SDK1: variants seen among roughly 807,000 people sequenced by gnomAD.
SDK1 encodes sidekick cell adhesion molecule 1.
In SDK1, 157 loss-of-function variants were observed where a neutral mutation model predicts 245.5. That is an observed-to-expected ratio of 0.64 (90% CI 0.56 to 0.73). The LOEUF (loss-of-function observed/expected upper bound fraction) is 0.73, where lower values mean the gene tolerates loss of function less well. Ranked by LOEUF, SDK1 falls within the 30% of genes least tolerant of loss-of-function variation. The pLI, the probability that SDK1 is intolerant of heterozygous loss-of-function variation, is 0.00. For synonymous variants in SDK1, 1,647 were observed against 1,278.5 expected, an observed-to-expected ratio of 1.29 and a Z score of -6.15; for missense variants, 3,583 against 3,002.3, an observed-to-expected ratio of 1.19 and a Z score of -4.52.
intron 4 of SDK1, among the ~76,000 whole-genome samples, chr7:3,678,348 C>G (rs529610173): frequency 5.0e-4 from 76 of 152,234 alleles, no homozygotes; most frequent in African/African-American, 1.7e-3. Flanking sequence ...TTCACAACAG[C>G]AAAAATGTAG....
At chr7:4,011,250 A>G (rs1213086163) in intron 15 of SDK1, 137 bp downstream of exon 15, 1 of 1,130,630 alleles carries the variant, frequency 8.8e-7, no homozygotes, top group East Asian at 2.6e-5. Context: ...AACCGTGAGC[A>G]GAAAAGCCTG....
At chr7:3,898,264 G>C (rs1583528935) in intron 5 of SDK1, among the ~76,000 whole-genome samples, 1 of 152,282 alleles carries the variant, frequency 6.6e-6, no homozygotes, top group East Asian at 1.9e-4. Flanking sequence ...TGAAACCTGA[G>C]AGTCGGGCAC....
intron 4 of SDK1, among the ~76,000 whole-genome samples, chr7:3,772,791 C>T (rs1056091515): frequency 5.9e-5 from 9 of 152,176 alleles, no homozygotes; most frequent in African/African-American, 1.7e-4. Context: ...TTTTGTTTAT[C>T]TGGGAAATCT....
At chr7:3,979,624 C>T (rs1477780938) in intron 13 of SDK1, among the ~76,000 whole-genome samples, 1 of 152,114 alleles carries the variant, frequency 6.6e-6, no homozygotes, top group Non-Finnish European at 1.5e-5. Flanking sequence ...AGAGAAGAGG[C>T]TTCTAAACTC....
intron 1 of SDK1, among the ~76,000 whole-genome samples, chr7:3,519,687 TA>T (rs1196940683): frequency 7.9e-5 from 12 of 152,110 alleles, no homozygotes; most frequent in East Asian, 1.9e-4. Flanking sequence ...GAGATACGCA[TA>T]AAAAATATGT....
intron 1 of SDK1, among the ~76,000 whole-genome samples, chr7:3,473,333 A>G (rs968121675): frequency 5.9e-5 from 9 of 152,224 alleles, no homozygotes; most frequent in Non-Finnish European, 1.2e-4. Context: ...CAGGTAGAAA[A>G]CAAGGAGTGA....
chr7:3,738,063 C>T (rs1335759350), intron 4 of SDK1, among the ~76,000 whole-genome samples: 2 of 152,234 alleles, frequency 1.3e-5, no homozygotes, highest in African/African-American at 2.4e-5. Flanking sequence ...GGGACCTCCT[C>T]TTCTGCCGTC....
At chr7:3,866,812 G>A (rs11974190) in intron 5 of SDK1, among the ~76,000 whole-genome samples, 45,631 of 152,034 alleles carry the variant, frequency 0.3, 9,420 homozygotes, top group African/African-American at 0.59. Flanking sequence ...CTTGAGAGGA[G>A]GCGTAAGGAC....
rs1353112370 is a variant in SDK1, at chr7:4,067,875, C to T, written c.2949C>T (p.Ile983=). The change falls in exon 20 of 45, where the codon ATC becomes ATT. Residue 983 remains isoleucine (I), a synonymous_variant. Coordinates refer to ENST00000404826, the MANE Select transcript of SDK1 (RefSeq NM_152744.4). The part of the protein sequence containing the change: ...GAVGHLSFTE[I]LDTSLKVSWQ... ...TGGGACATCTGAGTTTCACAGAGAT[C>T]TTGGACACATCTCTCAAGGTCAGCT... 1 of 1,613,390 alleles carries T rather than the reference C, an allele frequency of 6.2e-7. No homozygotes were observed. Among genetic ancestry groups the T allele is most frequent in the African/African-American group, 1.3e-5 (1 of 75,042 alleles).
intron 35 of SDK1, among the ~76,000 whole-genome samples, chr7:4,193,094 A>G (rs1319960385): frequency 7.3e-6 from 1 of 136,898 alleles, no homozygotes; most frequent in East Asian, 2.0e-4. Flanking sequence ...ATACAAATGT[A>G]TATATAATAT....
chr7:3,865,760 A>G (rs1443377008), intron 5 of SDK1, among the ~76,000 whole-genome samples: 2 of 151,708 alleles, frequency 1.3e-5, no homozygotes. Flanking sequence ...AGCCTCCCAA[A>G]ACGCTGGGAT....
intron 1 of SDK1, among the ~76,000 whole-genome samples, chr7:3,313,734 G>C (rs1779602508): frequency 6.6e-6 from 1 of 152,108 alleles, no homozygotes; most frequent in East Asian, 1.9e-4. Flanking sequence ...AAATTCAAGA[G>C]ATCTGTTGTA....
chr7:3,717,959 T>TA (rs78072470), intron 4 of SDK1, among the ~76,000 whole-genome samples: 16,212 of 142,404 alleles, frequency 0.11, 1,038 homozygotes, highest in African/African-American at 0.18. Flanking sequence ...AGACAGCATT[T>TA]AAAAAAAAAA....
At chr7:3,745,940 C>G (rs3928365) in intron 4 of SDK1, among the ~76,000 whole-genome samples, 1 of 152,104 alleles carries the variant, frequency 6.6e-6, no homozygotes, top group Non-Finnish European at 1.5e-5. Flanking sequence ...GTTTGGATCC[C>G]AGCTCCACCA....
intron 1 of SDK1, among the ~76,000 whole-genome samples, chr7:3,351,019 A>T (rs1294569246): frequency 6.6e-6 from 1 of 152,204 alleles, no homozygotes; most frequent in African/African-American, 2.4e-5. Context: ...ACATAAATAG[A>T]TATCTATGTT....
At chr7:3,443,333 C>G (rs1449222845) in intron 1 of SDK1, among the ~76,000 whole-genome samples, 1 of 152,116 alleles carries the variant, frequency 6.6e-6, no homozygotes, top group African/African-American at 2.4e-5. Flanking sequence ...AAATACTCAA[C>G]AGAGATAATG....
Position 3,821,591 on chromosome 7 carries a change from T to G in SDK1, c.847+8T>G. The G allele has an allele frequency of 6.2e-7, 1 of 1,611,492 alleles. No homozygotes were observed. Among genetic ancestry groups the G allele is most frequent in the Non-Finnish European group, 8.5e-7 (1 of 1,179,130 alleles). On this transcript the variant is annotated splice_region_variant and intron_variant, in intron 5 of 44. Coordinates refer to ENST00000404826, the MANE Select transcript of SDK1 (RefSeq NM_152744.4). ...TTCATTTGAGCATAGCAAGTGAGTT[T>G]TGAAATCCCAAATGGTAATTCTGCA...
chr7:3,794,244 C>G (rs188020252), intron 4 of SDK1, among the ~76,000 whole-genome samples: 4 of 152,282 alleles, frequency 2.6e-5, no homozygotes, highest in Non-Finnish European at 5.9e-5. Context: ...GGCCGAATGT[C>G]CCTTCCCACA....
chr7:3,971,580 C>G lies in SDK1; in HGVS notation c.1817+12C>G, dbSNP rs1245967908. ...CGGGTTTCACTCCGGTCAGCACAAT[C>G]AGTTACAATGCTTTGGGGCTTGTTG... On this transcript the variant is annotated intron_variant, in intron 12 of 44. Transcript: ENST00000404826. The G allele has an allele frequency of 1.9e-6, 3 of 1,579,002 alleles. No homozygotes were observed. Among genetic ancestry groups the G allele is most frequent in the Non-Finnish European group, 2.6e-6 (3 of 1,151,062 alleles).
Sources: allele counts gnomAD v4.1 joint callset (sites outside exome capture counted in the v4.1 genomes callset), GRCh38; gene constraint gnomAD v4.1.1; transcripts MANE v1.5; gene names NCBI Gene and HGNC (gene_info 2026-07-23, HGNC 2026-07-21).